Variants in GIGYF2 observed in about 807,000 individuals in gnomAD.
GIGYF2 encodes GRB10-interacting GYF protein 2.
GIGYF2 carries 25 observed loss-of-function variants against 208.1 expected under a neutral mutation model. The observed-to-expected ratio is 0.12, with a 90% confidence interval of 0.09 to 0.17. GIGYF2 has a LOEUF of 0.17. Ranked by LOEUF, GIGYF2 falls within the 10% of genes least tolerant of loss-of-function variation. GIGYF2 has a pLI of 1.00. For missense variants in GIGYF2, 1,302 were observed against 1,579.4 expected, an observed-to-expected ratio of 0.82 and a Z score of 2.98; for synonymous variants, 534 against 543.8, an observed-to-expected ratio of 0.98 and a Z score of 0.25.
chr2:232,842,502 C>T (rs939831159), intron 23 of GIGYF2, among the ~76,000 whole-genome samples: 1 of 152,180 alleles, frequency 6.6e-6, no homozygotes, highest in Non-Finnish European at 1.5e-5. Flanking sequence ...TCTTAAAAAG[C>T]CAACTCCTAT....
chr2:232,747,749 G>A lies in GIGYF2; in HGVS notation c.171+5G>A. ...CTTTTCCTTAAAGACAACAAGGTAAGAAAGTAGGAAAAGAGTTCAAAATTG... is the reference window on the plus strand; with the variant it reads ...CTTTTCCTTAAAGACAACAAGGTAAAAAAGTAGGAAAAGAGTTCAAAATTG... On this transcript the variant is annotated splice_donor_5th_base_variant and intron_variant, in intron 4 of 28. Transcript: ENST00000373563. The A allele has an allele frequency of 6.2e-7, 1 of 1,612,992 alleles. No individual in the cohort carries two copies. The highest frequency in any genetic ancestry group is 8.5e-7 in the Non-Finnish European group (1 of 1,179,380).
chr2:232,813,285 G>A (rs1700795268), intron 18 of GIGYF2, among the ~76,000 whole-genome samples: 1 of 150,214 alleles, frequency 6.7e-6, no homozygotes, highest in Admixed American at 6.6e-5. Flanking sequence ...TGCTTCCCAG[G>A]TTCAAGCGAT....
rs759254257 is a variant in GIGYF2 at position 232,806,544 on chromosome 2, A to G, written c.1693A>G (p.Met565Val). The G allele has an allele frequency of 5.0e-6, 8 of 1,610,426 alleles. No individual in the cohort carries two copies. Among genetic ancestry groups the G allele is most frequent in the African/African-American group, 1.3e-5 (1 of 74,954 alleles). The change falls in exon 15 of 29, where the codon ATG becomes GTG. Residue 565 changes from methionine (M) to valine (V), a missense_variant. This residue lies in a region of GIGYF2 where 69 missense variants were observed against 132.8 expected (regional missense o/e 0.52). Coordinates refer to ENST00000373563, the MANE Select transcript of GIGYF2 (RefSeq NM_001103146.3). This position sits in a 1 kb window ranked among gnomAD's most constrained non-coding sequence, Gnocchi z 4.0. ...AEWFQAGYFT[M>V]SLLVKRACDE... ...ATGGTTTCAGGCGGGCTATTTTACT[A>G]TGTCTTTATTGGTGAAGAGAGCGTG...
At chr2:232,828,379 T>G (rs1378930948) in intron 21 of GIGYF2, among the ~76,000 whole-genome samples, 1 of 152,090 alleles carries the variant, frequency 6.6e-6, no homozygotes, top group African/African-American at 2.4e-5. Flanking sequence ...GACTTTTTTT[T>G]TTTTTTGGTT....
rs1690267782 is a variant in GIGYF2 at position 232,850,400 on chromosome 2, A to T, written c.3823A>T (p.Ser1275Cys). 1 of 1,614,046 alleles carries T rather than the reference A, an allele frequency of 6.2e-7. No individual in the cohort carries two copies. Among genetic ancestry groups the T allele is most frequent in the African/African-American group, 1.3e-5 (1 of 74,944 alleles). ...GCAGAAGATGGTCCGAGCAGATCCC[A>T]GTTTATTAGGTGAGCACGGTCCTAG... ...KKQKMVRADP[S>C]LLGFSVNASS... Residue 1275 changes from serine (S) to cysteine (C), a missense_variant, in exon 28 of 29, where the codon AGT becomes TGT. Coordinates refer to ENST00000373563, the MANE Select transcript of GIGYF2 (RefSeq NM_001103146.3).
intron 6 of GIGYF2, among the ~76,000 whole-genome samples, chr2:232,756,739 C>G (rs1698558952): frequency 6.6e-6 from 1 of 152,154 alleles, no homozygotes; most frequent in South Asian, 2.1e-4. Flanking sequence ...GCTTCTCCAG[C>G]CAGAGAGGGG....
chr2:232,738,958 C>G (rs1180718921), intron 3 of GIGYF2, among the ~76,000 whole-genome samples: 1 of 152,110 alleles, frequency 6.6e-6, no homozygotes, highest in Non-Finnish European at 1.5e-5. Flanking sequence ...GTGCTAAACT[C>G]CTTAGATTTA....
intron 6 of GIGYF2, among the ~76,000 whole-genome samples, chr2:232,759,977 A>G (rs968109612): frequency 2.6e-5 from 4 of 152,198 alleles, no homozygotes; most frequent in Admixed American, 6.5e-5. Context: ...CCTGTATGGC[A>G]TTCATGAGGT....
intron 23 of GIGYF2, among the ~76,000 whole-genome samples, chr2:232,841,459 CTATTTTTTT>C (rs775152443): frequency 2.3e-4 from 16 of 70,386 alleles, no homozygotes; most frequent in Non-Finnish European, 4.6e-4. Flanking sequence ...CCACCACCAG[CTATTTTTTT>C]TTTTTTTTTT....
chr2:232,779,408 T>C (rs923871560), intron 8 of GIGYF2, among the ~76,000 whole-genome samples: 1 of 152,242 alleles, frequency 6.6e-6, no homozygotes, highest in African/African-American at 2.4e-5. Flanking sequence ...TATCTATAAA[T>C]GTATCACATT....
chr2:232,710,861 G>C (rs1358402036), intron 2 of GIGYF2, among the ~76,000 whole-genome samples: 1 of 151,646 alleles, frequency 6.6e-6, no homozygotes, highest in African/African-American at 2.4e-5. Flanking sequence ...TACCATGTCC[G>C]GCTAACTTTT....
chr2:232,842,449 A>C (rs1701849935), intron 23 of GIGYF2, among the ~76,000 whole-genome samples: 1 of 152,196 alleles, frequency 6.6e-6, no homozygotes, highest in African/African-American at 2.4e-5. Flanking sequence ...GTTTCATTAA[A>C]TGCACCATCT....
At chr2:232,822,905 G>C (rs1701136277) in intron 21 of GIGYF2, among the ~76,000 whole-genome samples, 1 of 152,108 alleles carries the variant, frequency 6.6e-6, no homozygotes, top group East Asian at 1.9e-4. Flanking sequence ...GATAGAAGTG[G>C]TTAAAATGTA....
At chr2:232,712,252 G>A (rs1696454877) in intron 2 of GIGYF2, among the ~76,000 whole-genome samples, 5 of 151,998 alleles carry the variant, frequency 3.3e-5, no homozygotes, top group Admixed American at 2.6e-4. Context: ...ATTATGTTCC[G>A]TGAAAAAAAG....
intron 1 of GIGYF2, chr2:232,700,488 C>T (rs1223611630): frequency 6.6e-6 from 1 of 152,124 alleles, no homozygotes; most frequent in Non-Finnish European, 1.5e-5. Flanking sequence ...GGATCTTTGA[C>T]TTGTGCCATT....
At chr2:232,716,452 C>T (rs1034476992) in intron 2 of GIGYF2, among the ~76,000 whole-genome samples, 1 of 146,374 alleles carries the variant, frequency 6.8e-6, no homozygotes, top group Non-Finnish European at 1.5e-5. Context: ...GATCTCGGCT[C>T]ACTGCAACTT....
At chr2:232,742,517 C>T (rs1430792608) in intron 3 of GIGYF2, among the ~76,000 whole-genome samples, 1 of 152,128 alleles carries the variant, frequency 6.6e-6, no homozygotes, top group Non-Finnish European at 1.5e-5. Context: ...TGCCACTGCA[C>T]TCCAGCCTGG....
intron 22 of GIGYF2, among the ~76,000 whole-genome samples, chr2:232,839,125 C>T (rs182261995): frequency 4.6e-5 from 7 of 151,942 alleles, no homozygotes; most frequent in Non-Finnish European, 8.8e-5. Context: ...TTATTGTGTT[C>T]GCTTGTTTGA....
At chr2:232,701,522 C>T (rs1347347423) in intron 1 of GIGYF2, among the ~76,000 whole-genome samples, 1 of 151,274 alleles carries the variant, frequency 6.6e-6, no homozygotes, top group Non-Finnish European at 1.5e-5. Context: ...CTCAATCTCC[C>T]AGGCTCAAGC....
Sources: gnomAD v4.1 joint callset for allele counts (sites outside exome capture counted in the v4.1 genomes callset) on GRCh38, gnomAD v4.1.1 for gene constraint, gnomAD v4.1.1 regional missense constraint, Gnocchi (gnomAD v3.1) non-coding constraint, MANE v1.5 for transcripts, NCBI Gene and HGNC (gene_info 2026-07-23, HGNC 2026-07-21) for gene names.